The following CYP4F22 variants were observed in gnomAD, a reference collection of about 807,000 sequenced individuals.
CYP4F22 encodes the protein ultra-long-chain fatty acid omega-hydroxylase.
CYP4F22 carries 37 observed loss-of-function variants against 60.4 expected under a neutral mutation model. The observed-to-expected ratio is 0.61, with a 90% CI of 0.47 to 0.81. The LOEUF (loss-of-function observed/expected upper bound fraction) is 0.81. Ranked by LOEUF, CYP4F22 falls within the 30% of genes least tolerant of loss-of-function variation. The pLI is 0.00. For synonymous variants in CYP4F22, 258 were observed against 280.5 expected, an observed-to-expected ratio of 0.92 and a Z score of 0.80; for missense variants, 655 against 715.0, an observed-to-expected ratio of 0.92 and a Z score of 0.96.
At chr19:15,515,553 C>T (rs1025727739) in intron 1 of CYP4F22, 11 of 560,118 alleles carry the variant, frequency 2.0e-5, no homozygotes, top group Admixed American at 6.4e-5. Flanking sequence ...GGTGACACCC[C>T]GTCTCTACTA....
chr19:15,522,792 C>T (rs1013442885), intron 1 of CYP4F22, among the ~76,000 whole-genome samples: 1 of 152,114 alleles, frequency 6.6e-6, no homozygotes, highest in Non-Finnish European at 1.5e-5. Flanking sequence ...CTCACTTCAA[C>T]CTCCGCCTCC....
At chr19:15,516,793 C>T in intron 1 of CYP4F22, 1 of 548,990 alleles carries the variant, frequency 1.8e-6, no homozygotes, top group Non-Finnish European at 3.0e-6. Flanking sequence ...CAGAGGATCT[C>T]ATGAGAGGTC....
chr19:15,542,775 G>A (rs1311974666), intron 8 of CYP4F22, among the ~76,000 whole-genome samples: 1 of 152,078 alleles, frequency 6.6e-6, no homozygotes, highest in Admixed American at 6.5e-5. Flanking sequence ...TCATTGTTCA[G>A]CTCCCACTTA....
At chr19:15,512,459 C>A in intron 1 of CYP4F22, among the ~76,000 whole-genome samples, 1 of 152,162 alleles carries the variant, frequency 6.6e-6, no homozygotes, top group Non-Finnish European at 1.5e-5. Context: ...GCATCCACCA[C>A]CATGCCCAGC....
At chr19:15,520,059 T>C (rs1209885543) in intron 1 of CYP4F22, among the ~76,000 whole-genome samples, 1 of 152,056 alleles carries the variant, frequency 6.6e-6, no homozygotes, top group African/African-American at 2.4e-5. Flanking sequence ...AAAAAGAAAG[T>C]CTCAGCCCGG....
intron 1 of CYP4F22, among the ~76,000 whole-genome samples, chr19:15,509,904 C>CCTTCCTTCTTT (rs1323141197): frequency 1.2e-5 from 1 of 86,696 alleles, no homozygotes; most frequent in Non-Finnish European, 2.5e-5. Flanking sequence ...TTCCTTCCTT[C>CCTTCCTTCTTT]CTTTCTTTCT....
intron 1 of CYP4F22, among the ~76,000 whole-genome samples, chr19:15,513,490 G>C (rs185255458): frequency 6.6e-6 from 1 of 150,832 alleles, no homozygotes; most frequent in South Asian, 2.1e-4. Flanking sequence ...TCAGCCTCCC[G>C]AGTAGCTGGG....
chr19:15,533,896 G>GCTA (rs200834269), intron 4 of CYP4F22, among the ~76,000 whole-genome samples: 2,536 of 152,088 alleles, frequency 0.017, 25 homozygotes, highest in Non-Finnish European at 0.024. Flanking sequence ...TGTGAATCAT[G>GCTA]CTACTATGAA....
At chr19:15,514,036 TA>T (rs1360145911) in intron 1 of CYP4F22, among the ~76,000 whole-genome samples, 1 of 152,182 alleles carries the variant, frequency 6.6e-6, no homozygotes, top group Non-Finnish European at 1.5e-5. Context: ...AAAGAATATT[TA>T]AAATGGAGAT....
In CYP4F22 at chr19:15,529,137, T is replaced by TA. The variant is rs1555728061; in HGVS notation, c.223-572_223-571insA. 2.4e-3 allele frequency among the ~76,000 whole-genome samples: 93 copies of TA among 39,554 alleles called. 1 individual carries two copies. The highest frequency in any genetic ancestry group is 3.9e-3 in the African/African-American group (56 of 14,338). The allele number at this position is 39,554 out of a possible 152,430, so 25.9% of individuals were successfully genotyped here. On this transcript the variant is annotated intron_variant, in intron 3 of 13. Coordinates refer to ENST00000269703, the MANE Select transcript of CYP4F22 (RefSeq NM_173483.4). ...TTTATCTTCTTATTTTATTTTATTT[T>TA]TTTTTTTTGAGGTGGAGTTTTGCTC...
chr19:15,516,562 C>T (rs1971157116), intron 1 of CYP4F22: 1 of 251,448 alleles, frequency 4.0e-6, no homozygotes. Flanking sequence ...GTAAAATTGC[C>T]TTGCTGAGAA....
intron 7 of CYP4F22, 115 bp from the exon 8 acceptor site, chr19:15,540,335 T>G (rs1971442637): frequency 8.0e-7 from 1 of 1,255,280 alleles, no homozygotes; most frequent in South Asian, 1.2e-5. Context: ...AGAGTTAATA[T>G]AGGGCTTCTC....
chr19:15,509,893 C>T (rs796137391), intron 1 of CYP4F22, among the ~76,000 whole-genome samples: 6,073 of 109,800 alleles, frequency 0.055, 382 homozygotes, highest in East Asian at 0.22. Flanking sequence ...TCCTTCCTTC[C>T]TTCCTTCCTT....
At chr19:15,544,308 G>A (rs1398271179) in intron 10 of CYP4F22, 29 bp downstream of exon 10, 2 of 1,605,974 alleles carry the variant, frequency 1.2e-6, no homozygotes, top group Admixed American at 1.7e-5. Flanking sequence ...GAATGGAGGG[G>A]GCAGGTTGAG....
chr19:15,540,303 A>G (rs2144532126), intron 7 of CYP4F22, 147 bp from the exon 8 acceptor site: 1 of 990,314 alleles, frequency 1.0e-6, no homozygotes, highest in South Asian at 1.5e-5. Context: ...ATCTAAAAAA[A>G]TAAATAAATG....
rs546457848 is a variant in CYP4F22 at position 15,542,541 on chromosome 19, A to T, written c.940-1430A>T. 5.1e-4 allele frequency among the ~76,000 whole-genome samples: 77 copies of T among 151,882 alleles called. 1 individual carries two copies. Among genetic ancestry groups the T allele is most frequent in the African/African-American group, 5.6e-4 (23 of 41,406 alleles). ...ACAAGAGAGAAACTCCATCTCAAAA[A>T]ATTTTTTTTTAAATTAAATGGAAAG... On this transcript the variant is annotated intron_variant, in intron 8 of 13. Coordinates refer to ENST00000269703, the MANE Select transcript of CYP4F22 (RefSeq NM_173483.4).
intron 1 of CYP4F22, among the ~76,000 whole-genome samples, chr19:15,510,966 A>ATTTTTTTTTTTTTTT (rs1555726127): frequency 1.9e-5 from 2 of 103,336 alleles, no homozygotes; most frequent in African/African-American, 9.2e-5. Flanking sequence ...ATATATATAT[A>ATTTTTTTTTTTTTTT]TTTTTTTTTT....
intron 10 of CYP4F22, among the ~76,000 whole-genome samples, chr19:15,545,667 AAAAAGAAAAG>A (rs1396510999): frequency 6.0e-5 from 3 of 50,394 alleles, no homozygotes; most frequent in Admixed American, 3.5e-4. Flanking sequence ...AAAAAAAAAA[AAAAAGAAAAG>A]AAAAGAAAAG....
chr19:15,540,772 A>G, intron 8 of CYP4F22, 55 bp downstream of exon 8: 2 of 652,596 alleles, frequency 3.1e-6, no homozygotes, highest in Non-Finnish European at 4.3e-6. Context: ...CTCCCGAGGA[A>G]TTGCATGTAA....
Sources: gnomAD v4.1 joint callset for allele counts (sites outside exome capture counted in the v4.1 genomes callset) on GRCh38, gnomAD v4.1.1 for gene constraint, MANE v1.5 for transcripts, NCBI Gene and HGNC (gene_info 2026-07-23, HGNC 2026-07-21) for gene names.